PCDH15: variants seen among roughly 807,000 people sequenced by gnomAD.
PCDH15 encodes the protein protocadherin-15.
Under a neutral mutation model 178.5 loss-of-function variants are expected in PCDH15, and 129 were observed. The ratio of observed to expected loss-of-function variants is 0.72; its 90% CI spans 0.63 to 0.84. PCDH15 has a LOEUF of 0.84. Ranked by LOEUF, PCDH15 falls within the 40% of genes least tolerant of loss-of-function variation. PCDH15 has a pLI of 0.00. For synonymous variants in PCDH15, 800 were observed against 732.0 expected, an observed-to-expected ratio of 1.09 and a Z score of -1.50; for missense variants, 2,230 against 2,099.9, an observed-to-expected ratio of 1.06 and a Z score of -1.21.
At chr10:54,846,700 A>T (rs1953525174) in intron 3 of PCDH15, among the ~76,000 whole-genome samples, 1 of 152,156 alleles carries the variant, frequency 6.6e-6, no homozygotes, top group Non-Finnish European at 1.5e-5. Flanking sequence ...GTCACTGCTA[A>T]TGAATAGAAC....
At position 53,802,789 on chromosome 10, in the gene PCDH15, T is replaced by C. The variant is rs1354523546; in HGVS notation, c.*3790A>G. On this transcript the variant is annotated 3_prime_UTR_variant, in exon 38 of 38. Transcript: ENST00000644397. Reference sequence around the variant, plus strand: ...AATCATCTTTTCAAATGAAAATTTATTTTTGAAACATTGTGTAGTGAATAA... The same window carrying C: ...AATCATCTTTTCAAATGAAAATTTACTTTTGAAACATTGTGTAGTGAATAA... 3 of 151,936 alleles carry C rather than the reference T, an allele frequency of 2.0e-5. No homozygotes were observed. The highest frequency in any genetic ancestry group is 4.4e-5 in the Non-Finnish European group (3 of 67,856). 9.4% of individuals were successfully genotyped at this position (151,936 alleles called of 1,614,324 possible).
intron 1 of PCDH15, among the ~76,000 whole-genome samples, chr10:55,207,655 G>T (rs1372696004): frequency 6.6e-6 from 1 of 151,632 alleles, no homozygotes; most frequent in Non-Finnish European, 1.5e-5. Context: ...TGTTTTTTTT[G>T]AAAATAAAAT....
At chr10:53,845,610 G>A (rs983739989) in intron 28 of PCDH15, among the ~76,000 whole-genome samples, 12 of 151,740 alleles carry the variant, frequency 7.9e-5, no homozygotes, top group Non-Finnish European at 1.5e-4. Context: ...TATGTAAAGT[G>A]GAATAAGCCA....
chr10:54,000,799 C>T (rs2092095656), intron 20 of PCDH15, among the ~76,000 whole-genome samples: 1 of 151,900 alleles, frequency 6.6e-6, no homozygotes, highest in Admixed American at 6.6e-5. Flanking sequence ...GAAGAACTTC[C>T]CAAACCCAGA....
At chr10:54,708,797 T>C (rs1489979015) in intron 1 of PCDH15, among the ~76,000 whole-genome samples, 1 of 147,692 alleles carries the variant, frequency 6.8e-6, no homozygotes, top group East Asian at 2.0e-4. Context: ...TGTGTGTGTG[T>C]GTGTGCGCGC....
chr10:55,400,102 C>T (rs1168237818), intron 2 of PCDH15, among the ~76,000 whole-genome samples: 1 of 152,128 alleles, frequency 6.6e-6, no homozygotes, highest in Non-Finnish European at 1.5e-5. Context: ...TTTCTTGTTA[C>T]ATGCACACCT....
chr10:55,011,685 T>A (rs1371652561), intron 2 of PCDH15, among the ~76,000 whole-genome samples: 2 of 151,832 alleles, frequency 1.3e-5, no homozygotes, highest in Non-Finnish European at 2.9e-5. Context: ...TAGGAAATAA[T>A]GGGGAAGAAA....
In PCDH15 at chr10:53,805,129, A is replaced by G. The variant is rs1224338122; in HGVS notation, c.*1450T>C. ...TTGGAAATGAGGAAATAGCATAATA[A>G]TAAACAATTTTTAAGACGCGAAACA... On this transcript the variant is annotated 3_prime_UTR_variant, in exon 38 of 38. Coordinates refer to ENST00000644397, the MANE Select transcript of PCDH15 (RefSeq NM_001384140.1). 6.6e-6 allele frequency: 1 copy of G among 152,070 alleles called. No individual in the cohort carries two copies. The highest frequency in any genetic ancestry group is 1.5e-5 in the Non-Finnish European group (1 of 67,976). 9.4% of individuals were successfully genotyped at this position (152,070 alleles called of 1,614,324 possible). A position where few individuals can be genotyped will look rare whatever the true frequency, so the allele number is the denominator to read the frequency against.
intron 32 of PCDH15, among the ~76,000 whole-genome samples, chr10:53,825,303 A>G (rs150695964): frequency 7.9e-5 from 12 of 152,132 alleles, no homozygotes; most frequent in African/African-American, 2.6e-4. Context: ...TTTTGTTATT[A>G]TTCATATGAA....
chr10:55,582,862 T>C (rs1223361463), intron 2 of PCDH15, among the ~76,000 whole-genome samples: 1 of 151,852 alleles, frequency 6.6e-6, no homozygotes, highest in East Asian at 1.9e-4. Flanking sequence ...CAAAATCATA[T>C]TGAAAATTAA....
At chr10:55,176,925 G>A (rs549701014) in intron 1 of PCDH15, among the ~76,000 whole-genome samples, 29 of 152,212 alleles carry the variant, frequency 1.9e-4, no homozygotes, top group African/African-American at 7.0e-4. Flanking sequence ...GCATTGTCAA[G>A]GGATCTCTCT....
At chr10:54,377,742 C>G (rs1245068996) in intron 4 of PCDH15, among the ~76,000 whole-genome samples, 1 of 152,056 alleles carries the variant, frequency 6.6e-6, no homozygotes, top group Non-Finnish European at 1.5e-5. Flanking sequence ...GAGTTACTCT[C>G]TGAGTTTTCC....
At chr10:54,727,102 C>G (rs1942657490) in intron 1 of PCDH15, among the ~76,000 whole-genome samples, 1 of 151,328 alleles carries the variant, frequency 6.6e-6, no homozygotes, top group Non-Finnish European at 1.5e-5. Flanking sequence ...ATGAGCCTAA[C>G]AGATATCTAT....
chr10:53,835,776 A>G (rs1021788670), intron 29 of PCDH15, among the ~76,000 whole-genome samples: 8 of 152,182 alleles, frequency 5.3e-5, no homozygotes, highest in Admixed American at 3.9e-4. Flanking sequence ...AAAACAAAAC[A>G]GCTAAAATTG....
chr10:53,815,183 A>G (rs2076018167), intron 35 of PCDH15, among the ~76,000 whole-genome samples: 1 of 152,174 alleles, frequency 6.6e-6, no homozygotes, highest in Non-Finnish European at 1.5e-5. Context: ...AATTTTTAAT[A>G]TTCATTTTTG....
chr10:54,035,729 T>G (rs1488898117), intron 18 of PCDH15, among the ~76,000 whole-genome samples: 2 of 151,936 alleles, frequency 1.3e-5, no homozygotes, highest in African/African-American at 4.8e-5. Flanking sequence ...GAGTTGTGTG[T>G]CTCTGATTTG....
At chr10:54,176,927 C>G (rs949032943) in intron 13 of PCDH15, among the ~76,000 whole-genome samples, 3 of 148,588 alleles carry the variant, frequency 2.0e-5, no homozygotes, top group Admixed American at 6.7e-5. Context: ...TTGGTATTTA[C>G]CAAAAGGATT....
intron 2 of PCDH15, among the ~76,000 whole-genome samples, chr10:55,046,465 A>G (rs533830326): frequency 1.3e-5 from 2 of 152,120 alleles, no homozygotes; most frequent in South Asian, 4.1e-4. Flanking sequence ...CATTTTGTAG[A>G]AACTGACATT....
chr10:55,183,247 ATT>A (rs1839701257), intron 1 of PCDH15, among the ~76,000 whole-genome samples: 5 of 151,990 alleles, frequency 3.3e-5, no homozygotes, highest in African/African-American at 1.2e-4. Flanking sequence ...TTTTAGAAAT[ATT>A]GTCAAGTGTT....
Sources: allele counts gnomAD v4.1 joint callset (sites outside exome capture counted in the v4.1 genomes callset), GRCh38; gene constraint gnomAD v4.1.1; transcripts MANE v1.5; gene names NCBI Gene and HGNC (gene_info 2026-07-23, HGNC 2026-07-21).